Variants in PARD3B observed in about 807,000 individuals in gnomAD.
PARD3B encodes partitioning defective 3 homolog B.
A neutral mutation model predicts 130.2 loss-of-function variants in PARD3B; 103 were observed. That is an observed-to-expected ratio of 0.79 (90% CI 0.67 to 0.93). PARD3B has a LOEUF of 0.93. Ranked by LOEUF, PARD3B falls within the 40% of genes least tolerant of loss-of-function variation. The pLI, the probability that PARD3B is intolerant of heterozygous loss-of-function variation, is 0.00. For synonymous variants in PARD3B, 583 were observed against 553.2 expected, an observed-to-expected ratio of 1.05 and a Z score of -0.76; for missense variants, 1,609 against 1,499.2, an observed-to-expected ratio of 1.07 and a Z score of -1.21.
At chr2:205,177,398 TAATGA>T (rs1284615377) in intron 13 of PARD3B, among the ~76,000 whole-genome samples, 1 of 152,212 alleles carries the variant, frequency 6.6e-6, no homozygotes, top group Admixed American at 6.5e-5. Flanking sequence ...AAAAATGAAA[TAATGA>T]AATGTATGTA....
Position 204,938,314 on chromosome 2 carries a change from A to C in PARD3B, c.223-26838A>C, listed in dbSNP as rs193158197. 8.7e-3 allele frequency among the ~76,000 whole-genome samples: 1,319 copies of C among 152,332 alleles called. 23 individuals carry two copies. The highest frequency in any genetic ancestry group is 0.029 in the African/African-American group (1,224 of 41,584). ...ATAGCTTACGCACTGTATTACAGCC[A>C]CAATGGCTTTCTAAATGTTCTTTCA... On this transcript the variant is annotated intron_variant, in intron 2 of 22. Coordinates refer to ENST00000406610, the MANE Select transcript of PARD3B (RefSeq NM_001302769.2).
intron 18 of PARD3B, among the ~76,000 whole-genome samples, chr2:205,377,437 A>G (rs1451254036): frequency 6.6e-6 from 1 of 152,170 alleles, no homozygotes; most frequent in Non-Finnish European, 1.5e-5. Flanking sequence ...GGGTTTAACC[A>G]CCAGTGTTAG....
At chr2:204,730,330 AAGTGCTGGGATTAC>A (rs918229718) in intron 2 of PARD3B, among the ~76,000 whole-genome samples, 2 of 152,084 alleles carry the variant, frequency 1.3e-5, no homozygotes, top group Non-Finnish European at 2.9e-5. Flanking sequence ...TGGCCTCCCA[AAGTGCTGGGATTAC>A]AGATGTGAGC....
At chr2:205,500,965 G>A (rs1376370140) in intron 21 of PARD3B, among the ~76,000 whole-genome samples, 1 of 152,120 alleles carries the variant, frequency 6.6e-6, no homozygotes, top group Non-Finnish European at 1.5e-5. Flanking sequence ...GAAAGACACC[G>A]GCTCCTTTGA....
At chr2:204,819,198 C>T (rs1432450911) in intron 2 of PARD3B, among the ~76,000 whole-genome samples, 2 of 152,160 alleles carry the variant, frequency 1.3e-5, no homozygotes, top group African/African-American at 4.8e-5. Flanking sequence ...TGAAGGTTTG[C>T]GGCAACCCTG....
At chr2:205,307,649 G>C (rs993296859) in intron 18 of PARD3B, among the ~76,000 whole-genome samples, 1 of 152,134 alleles carries the variant, frequency 6.6e-6, no homozygotes, top group African/African-American at 2.4e-5. Flanking sequence ...TTTTCTAGGA[G>C]CCAAAGAGAA....
In PARD3B at chr2:205,585,345, G is replaced by A. The variant is rs2054158716; in HGVS notation, c.3261-30111G>A. Among the ~76,000 whole-genome samples, 1 of 152,180 alleles carries A rather than the reference G, an allele frequency of 6.6e-6. No homozygotes were observed. Among genetic ancestry groups the A allele is most frequent in the Admixed American group, 6.5e-5 (1 of 15,270 alleles). ...GCCTTAGAGTGGATTCCACCCTGCTGGGGCTGGCTGTTTATAATGGCTAAA... is the reference window on the plus strand; with the variant it reads ...GCCTTAGAGTGGATTCCACCCTGCTAGGGCTGGCTGTTTATAATGGCTAAA... On this transcript the variant is annotated intron_variant, in intron 22 of 22. Coordinates refer to ENST00000406610, the MANE Select transcript of PARD3B (RefSeq NM_001302769.2). This position sits in a 1 kb window ranked among gnomAD's most constrained non-coding sequence, Gnocchi z 5.4.
At chr2:204,873,219 T>C (rs1444436520) in intron 2 of PARD3B, among the ~76,000 whole-genome samples, 2 of 152,178 alleles carry the variant, frequency 1.3e-5, no homozygotes, top group East Asian at 3.9e-4. Context: ...CAGGATCTGC[T>C]TTTTCTTGCT....
chr2:204,599,653 G>C (rs2033430508), intron 1 of PARD3B, among the ~76,000 whole-genome samples: 1 of 151,758 alleles, frequency 6.6e-6, no homozygotes, highest in Non-Finnish European at 1.5e-5. Context: ...TAGACATGGG[G>C]GTGTAATATC....
Position 205,280,555 on chromosome 2 carries a change from C to G in PARD3B, c.2186-19975C>G, listed in dbSNP as rs897801438. Among the ~76,000 whole-genome samples the G allele has an allele frequency of 2.6e-5, 4 of 152,164 alleles. No homozygotes were observed. The highest frequency in any genetic ancestry group is 6.5e-5 in the Admixed American group (1 of 15,282). ...TTTTTCTTAAGGGAGGGCTTTGGTT[C>G]TCAGAGAATATCAAATTCCGATGTC... On this transcript the variant is annotated intron_variant, in intron 16 of 22. Coordinates refer to ENST00000406610, the MANE Select transcript of PARD3B (RefSeq NM_001302769.2). This position sits in a 1 kb window ranked among gnomAD's most constrained non-coding sequence, Gnocchi z 4.7.
At chr2:205,296,847 G>A (rs1054386484) in intron 16 of PARD3B, among the ~76,000 whole-genome samples, 7 of 150,434 alleles carry the variant, frequency 4.7e-5, no homozygotes, top group Admixed American at 4.6e-4. Context: ...GAAACAGATG[G>A]AATCTTTAAA....
chr2:205,478,505 C>T (rs1252813130), intron 20 of PARD3B, among the ~76,000 whole-genome samples: 1 of 152,160 alleles, frequency 6.6e-6, no homozygotes, highest in Non-Finnish European at 1.5e-5. Flanking sequence ...CGCTTTTACC[C>T]AGAGCCGGGC....
Position 204,660,272 on chromosome 2 carries a change from A to C in PARD3B, c.121-25909A>C, listed in dbSNP as rs74776732. Among the ~76,000 whole-genome samples, 2,164 of 152,222 alleles carry C rather than the reference A, an allele frequency of 0.014. 117 individuals carry two copies. In the East Asian group the frequency reaches 0.2, roughly 14 times the overall value. On this transcript the variant is annotated intron_variant, in intron 1 of 22. Transcript: ENST00000406610. The stretch of plus-strand genomic sequence containing the variant: ...AATAGTTTCCATTTCAACCATGTTT[A>C]TTATTGCAATTAACCACCTCCTTCT...
intron 4 of PARD3B, among the ~76,000 whole-genome samples, chr2:205,057,717 G>A (rs182978542): frequency 7.6e-5 from 8 of 105,320 alleles, no homozygotes; most frequent in Admixed American, 1.1e-4. Flanking sequence ...ATGTGTATAC[G>A]TATATATACA....
chr2:204,725,051 T>A (rs1339058244), intron 2 of PARD3B, among the ~76,000 whole-genome samples: 1 of 152,162 alleles, frequency 6.6e-6, no homozygotes, highest in Admixed American at 6.5e-5. Flanking sequence ...AATTTCTACT[T>A]TGAATTATAG....
chr2:204,580,665 G>T (rs1283176944), intron 1 of PARD3B, among the ~76,000 whole-genome samples: 1 of 152,152 alleles, frequency 6.6e-6, no homozygotes, highest in East Asian at 1.9e-4. Flanking sequence ...TCATTTTGGA[G>T]TCCCCGCCTT....
chr2:204,830,557 GA>G (rs1275421839), intron 2 of PARD3B, among the ~76,000 whole-genome samples: 2 of 152,116 alleles, frequency 1.3e-5, no homozygotes, highest in African/African-American at 4.8e-5. Context: ...TATTTTCTAA[GA>G]AACTATTTTA....
intron 4 of PARD3B, among the ~76,000 whole-genome samples, chr2:205,051,685 A>G (rs1699200522): frequency 6.6e-6 from 1 of 152,174 alleles, no homozygotes; most frequent in Admixed American, 6.6e-5. Context: ...TAGCTGATTA[A>G]ATTTATTACA....
intron 2 of PARD3B, among the ~76,000 whole-genome samples, chr2:204,771,323 G>T (rs2041368872): frequency 6.6e-6 from 1 of 152,062 alleles, no homozygotes; most frequent in Non-Finnish European, 1.5e-5. Context: ...CACCCAAGCT[G>T]ATGAGGTGTG....
Sources: allele counts gnomAD v4.1 joint callset (sites outside exome capture counted in the v4.1 genomes callset), GRCh38; gene constraint gnomAD v4.1.1; non-coding constraint Gnocchi (gnomAD v3.1); transcripts MANE v1.5; gene names NCBI Gene and HGNC (gene_info 2026-07-23, HGNC 2026-07-21).